MAST2: variants seen among roughly 807,000 people sequenced by gnomAD.
MAST2 encodes microtubule associated serine/threonine kinase 2.
Under a neutral mutation model 147.4 loss-of-function variants are expected in MAST2, and 70 were observed. The observed-to-expected ratio is 0.47, with a 90% CI of 0.39 to 0.58. The LOEUF (loss-of-function observed/expected upper bound fraction) is 0.58, where lower values mean the gene tolerates loss of function less well. Ranked by LOEUF, MAST2 falls within the 20% of genes least tolerant of loss-of-function variation. The pLI, the probability that MAST2 is intolerant of heterozygous loss-of-function variation, is 0.00. For missense variants in MAST2, 2,080 were observed against 2,302.3 expected (o/e 0.90, Z 1.98); for synonymous variants, 869 against 896.8 (o/e 0.97, Z 0.55).
chr1:45,867,761 C>A (rs1254415882), intron 3 of MAST2, among the ~76,000 whole-genome samples: 5 of 151,988 alleles, frequency 3.3e-5, no homozygotes, highest in Non-Finnish European at 7.4e-5. Context: ...AGGTGTATGG[C>A]CAGGCTAGAT....
At chr1:45,870,328 T>G (rs967071598) in intron 3 of MAST2, among the ~76,000 whole-genome samples, 1 of 152,164 alleles carries the variant, frequency 6.6e-6, no homozygotes, top group South Asian at 2.1e-4. Flanking sequence ...AATTTTTTAT[T>G]GTATAACCAC....
At chr1:46,029,660 GC>G in intron 19 of MAST2, 93 bp downstream of exon 19, 1 of 1,394,980 alleles carries the variant, frequency 7.2e-7, no homozygotes. Context: ...TCGGTTACGG[GC>G]AGCCCCTCTG....
intron 3 of MAST2, among the ~76,000 whole-genome samples, chr1:45,871,422 C>T (rs1354284188): frequency 6.6e-6 from 1 of 152,098 alleles, no homozygotes; most frequent in Non-Finnish European, 1.5e-5. Flanking sequence ...AAAACAACAA[C>T]AAAACCATGA....
At chr1:45,878,160 C>T (rs1042742370) in intron 3 of MAST2, among the ~76,000 whole-genome samples, 4 of 148,546 alleles carry the variant, frequency 2.7e-5, no homozygotes, top group African/African-American at 5.0e-5. Flanking sequence ...GCAGAGATCA[C>T]GCCACTGCAT....
intron 3 of MAST2, chr1:45,847,524 C>A: frequency 1.3e-6 from 1 of 784,042 alleles, no homozygotes; most frequent in East Asian, 3.7e-5. Flanking sequence ...GTGGGCCTCT[C>A]TCATAATTTG....
intron 3 of MAST2, among the ~76,000 whole-genome samples, chr1:45,857,147 G>A (rs1478490259): frequency 2.6e-5 from 4 of 152,002 alleles, no homozygotes; most frequent in Non-Finnish European, 4.4e-5. Context: ...TTGAATGTAA[G>A]CTTTAAGAGG....
intron 3 of MAST2, among the ~76,000 whole-genome samples, chr1:45,858,391 G>A (rs903350103): frequency 6.6e-6 from 1 of 151,976 alleles, no homozygotes; most frequent in African/African-American, 2.4e-5. Flanking sequence ...TCATGTGTCT[G>A]TTGGCTGCAT....
At chr1:45,976,001 ATCTC>A (rs1209965651) in intron 5 of MAST2, among the ~76,000 whole-genome samples, 2 of 149,692 alleles carry the variant, frequency 1.3e-5, no homozygotes, top group African/African-American at 4.9e-5. Context: ...TTGAAACAGA[ATCTC>A]TCTCTGTTGC....
intron 3 of MAST2, among the ~76,000 whole-genome samples, chr1:45,869,489 A>G (rs1221140789): frequency 6.6e-6 from 1 of 152,168 alleles, no homozygotes; most frequent in Non-Finnish European, 1.5e-5. Context: ...GATATATTTT[A>G]TTTAGCCACC....
chr1:45,858,597 T>C (rs1478570391), intron 3 of MAST2, among the ~76,000 whole-genome samples: 1 of 146,588 alleles, frequency 6.8e-6, no homozygotes, highest in Non-Finnish European at 1.5e-5. Flanking sequence ...TCTTTTGCTG[T>C]GCAGAAGCTC....
chr1:45,945,703 C>T (rs1657932115), intron 4 of MAST2, among the ~76,000 whole-genome samples: 1 of 152,120 alleles, frequency 6.6e-6, no homozygotes, highest in Admixed American at 6.6e-5. Flanking sequence ...ATGTATTGGG[C>T]CAAAATACAT....
intron 3 of MAST2, among the ~76,000 whole-genome samples, chr1:45,831,865 T>C (rs566003301): frequency 1.2e-3 from 178 of 151,686 alleles, no homozygotes; most frequent in Non-Finnish European, 1.9e-3. Flanking sequence ...CTGCAACCTC[T>C]GTCTCCTGGG....
intron 19 of MAST2, 126 bp downstream of exon 19, chr1:46,029,693 T>C: frequency 7.3e-7 from 1 of 1,366,166 alleles, no homozygotes; most frequent in Non-Finnish European, 1.0e-6. Context: ...TCTGCCCTGC[T>C]CTGTAGGCAG....
intron 4 of MAST2, among the ~76,000 whole-genome samples, chr1:45,924,686 A>G (rs993996275): frequency 2.6e-5 from 4 of 152,152 alleles, no homozygotes; most frequent in East Asian, 1.9e-4. Flanking sequence ...TAAAATTTGT[A>G]TAGGTTGAAG....
At chr1:46,032,870 C>A in intron 26 of MAST2, 152 bp downstream of exon 26, 1 of 991,658 alleles carries the variant, frequency 1.0e-6, no homozygotes, top group Non-Finnish European at 1.4e-6. Context: ...TGGCTCATGC[C>A]TGTAAATCCC....
chr1:45,882,552 T>C (rs1009239320), intron 4 of MAST2, among the ~76,000 whole-genome samples, 157 bp downstream of exon 4: 1 of 152,176 alleles, frequency 6.6e-6, no homozygotes, highest in African/African-American at 2.4e-5. Flanking sequence ...CCAACTGACT[T>C]CTCCCACTAG....
intron 4 of MAST2, among the ~76,000 whole-genome samples, chr1:45,940,481 C>G: frequency 6.6e-6 from 1 of 152,050 alleles, no homozygotes; most frequent in East Asian, 1.9e-4. Context: ...TTTTGTCTAT[C>G]TGTGTCAAAG....
At chr1:45,866,530 A>C (rs931607929) in intron 3 of MAST2, among the ~76,000 whole-genome samples, 5 of 152,082 alleles carry the variant, frequency 3.3e-5, no homozygotes, top group Non-Finnish European at 5.9e-5. Context: ...CTATTTGTTG[A>C]ATGGGAAATA....
At chr1:45,897,580 A>C (rs1354901642) in intron 4 of MAST2, among the ~76,000 whole-genome samples, 1 of 152,172 alleles carries the variant, frequency 6.6e-6, no homozygotes, top group Admixed American at 6.6e-5. Flanking sequence ...AGGCCAAGGC[A>C]GGAGGATTGC....
Sources: allele counts gnomAD v4.1 joint callset (sites outside exome capture counted in the v4.1 genomes callset), GRCh38; gene constraint gnomAD v4.1.1; transcripts MANE v1.5; gene names NCBI Gene and HGNC (gene_info 2026-07-23, HGNC 2026-07-21).